Variants in CNTNAP2 observed in about 807,000 individuals in gnomAD.
CNTNAP2 encodes contactin associated protein 2.
A neutral mutation model predicts 155.2 loss-of-function variants in CNTNAP2; 98 were observed. That is an observed-to-expected ratio of 0.63 (90% CI 0.54 to 0.75). The LOEUF is 0.75. CNTNAP2 is among the 30% of genes least tolerant of loss of function. The pLI is 0.00. For synonymous variants in CNTNAP2, 651 were observed against 631.2 expected (o/e 1.03, Z -0.47); for missense variants, 1,727 against 1,688.1 (o/e 1.02, Z -0.40).
At chr7:146,505,695 T>G (rs1475336926) in intron 1 of CNTNAP2, among the ~76,000 whole-genome samples, 1 of 152,222 alleles carries the variant, frequency 6.6e-6, no homozygotes, top group African/African-American at 2.4e-5. Context: ...GGAGGGTCTG[T>G]GGCCAAAGCC....
chr7:148,059,554 C>G (rs1803091142), intron 15 of CNTNAP2, among the ~76,000 whole-genome samples: 1 of 146,912 alleles, frequency 6.8e-6, no homozygotes, highest in Non-Finnish European at 1.5e-5. Context: ...TGCCCCATTG[C>G]ACTCCAGCCT....
chr7:146,126,112 G>T (rs1797632155), intron 1 of CNTNAP2, among the ~76,000 whole-genome samples: 1 of 152,132 alleles, frequency 6.6e-6, no homozygotes, highest in African/African-American at 2.4e-5. Context: ...TAACTTCCCT[G>T]GGCCACCAGC....
intron 10 of CNTNAP2, among the ~76,000 whole-genome samples, chr7:147,464,191 G>A (rs1798072513): frequency 1.3e-5 from 2 of 151,954 alleles, no homozygotes; most frequent in African/African-American, 2.4e-5. Context: ...ACTAGGGCAG[G>A]GTGTGGTGGC....
intron 1 of CNTNAP2, among the ~76,000 whole-genome samples, chr7:146,661,988 C>G (rs1800098022): frequency 6.6e-6 from 1 of 152,050 alleles, no homozygotes; most frequent in Non-Finnish European, 1.5e-5. Flanking sequence ...TTAAATACAG[C>G]CATTTTCATA....
intron 1 of CNTNAP2, among the ~76,000 whole-genome samples, chr7:146,324,317 G>A (rs1485526170): frequency 6.6e-6 from 1 of 152,046 alleles, no homozygotes; most frequent in Non-Finnish European, 1.5e-5. Context: ...AACCTAAGAG[G>A]TCTGAAACCT....
At chr7:146,747,810 G>A (rs1461227152) in intron 1 of CNTNAP2, among the ~76,000 whole-genome samples, 1 of 152,090 alleles carries the variant, frequency 6.6e-6, no homozygotes, top group African/African-American at 2.4e-5. Flanking sequence ...AATGGTTTAA[G>A]ATAATTATGG....
In CNTNAP2 at chr7:146,332,468, T is replaced by G. The variant is rs1252996673; in HGVS notation, c.97+215495T>G. The stretch of plus-strand genomic sequence containing the variant: ...AAAGTTGAAAATGCATGCCCTTTGT[T>G]GTAGGACTTTGAGCCAACTGTTATT... On this transcript the variant is annotated intron_variant, in intron 1 of 23. Coordinates refer to ENST00000361727, the MANE Select transcript of CNTNAP2 (RefSeq NM_014141.6). Among the ~76,000 whole-genome samples the G allele has an allele frequency of 2.6e-5, 4 of 152,288 alleles. No individual in the cohort carries two copies. In the East Asian group the frequency reaches 7.7e-4, roughly 29 times the overall value.
At chr7:146,805,999 G>A (rs934689842) in intron 2 of CNTNAP2, among the ~76,000 whole-genome samples, 1 of 152,062 alleles carries the variant, frequency 6.6e-6, no homozygotes, top group Non-Finnish European at 1.5e-5. Context: ...ACACAAGATA[G>A]GTCAATCTCA....
rs148691235 is a variant in CNTNAP2 at position 147,591,402 on chromosome 7, G to T, written c.1897+29145G>T. Among the ~76,000 whole-genome samples the T allele has an allele frequency of 9.2e-5, 14 of 152,198 alleles. No individual in the cohort carries two copies. In the East Asian group the frequency reaches 2.7e-3, roughly 29 times the overall value. On this transcript the variant is annotated intron_variant, in intron 12 of 23. Coordinates refer to ENST00000361727, the MANE Select transcript of CNTNAP2 (RefSeq NM_014141.6). ...TGTGAAGACATCAGTTGGATTAGAT[G>T]AAGGCTCACCTTCCTGGCCTCATTT...
At chr7:147,468,224 G>A (rs1798154113) in intron 10 of CNTNAP2, among the ~76,000 whole-genome samples, 1 of 152,104 alleles carries the variant, frequency 6.6e-6, no homozygotes, top group Admixed American at 6.5e-5. Flanking sequence ...GGAGTGTAAG[G>A]CTTCAGTGAG....
intron 11 of CNTNAP2, among the ~76,000 whole-genome samples, chr7:147,502,152 A>G (rs781172967): frequency 1.3e-5 from 2 of 152,190 alleles, no homozygotes; most frequent in African/African-American, 2.4e-5. Context: ...ATCCTTATCA[A>G]TGCAAGCTAT....
chr7:147,677,118 T>C (rs1213710750), intron 13 of CNTNAP2, among the ~76,000 whole-genome samples: 1 of 151,822 alleles, frequency 6.6e-6, no homozygotes, highest in South Asian at 2.1e-4. Context: ...TACTGGCTAG[T>C]TTACATTATC....
chr7:146,621,849 C>T (rs1427013042), intron 1 of CNTNAP2, among the ~76,000 whole-genome samples: 1 of 152,134 alleles, frequency 6.6e-6, no homozygotes, highest in Non-Finnish European at 1.5e-5. Flanking sequence ...ACAGTGTTGA[C>T]ATAAATTATT....
At chr7:146,853,623 T>C (rs1794923926) in intron 3 of CNTNAP2, among the ~76,000 whole-genome samples, 1 of 152,170 alleles carries the variant, frequency 6.6e-6, no homozygotes, top group Admixed American at 6.5e-5. Flanking sequence ...AACAAGATCC[T>C]GAGAGGTAAG....
At chr7:146,600,091 C>G (rs1211517934) in intron 1 of CNTNAP2, among the ~76,000 whole-genome samples, 1 of 151,932 alleles carries the variant, frequency 6.6e-6, no homozygotes, top group Non-Finnish European at 1.5e-5. Context: ...TAATTTTTCC[C>G]ACACAATACT....
At chr7:147,051,208 C>A (rs1222206485) in intron 4 of CNTNAP2, among the ~76,000 whole-genome samples, 2 of 145,956 alleles carry the variant, frequency 1.4e-5, no homozygotes, top group Non-Finnish European at 3.0e-5. Flanking sequence ...ATATATAAAT[C>A]ATTAAGAATT....
intron 15 of CNTNAP2, among the ~76,000 whole-genome samples, chr7:148,085,331 C>A (rs1045025587): frequency 1.3e-5 from 2 of 152,116 alleles, no homozygotes; most frequent in Non-Finnish European, 2.9e-5. Flanking sequence ...GATTGAGCTT[C>A]AAATGTGAAT....
chr7:146,309,431 C>G (rs1800779968), intron 1 of CNTNAP2, among the ~76,000 whole-genome samples: 1 of 152,132 alleles, frequency 6.6e-6, no homozygotes, highest in African/African-American at 2.4e-5. Context: ...GTGGTCCTGA[C>G]AGCAGCAAGT....
At chr7:147,046,475 T>C (rs1476077375) in intron 4 of CNTNAP2, among the ~76,000 whole-genome samples, 1 of 152,216 alleles carries the variant, frequency 6.6e-6, no homozygotes, top group East Asian at 1.9e-4. Context: ...TTATTCTATC[T>C]TGTGAATATT....
Sources: gnomAD v4.1 joint callset for allele counts (sites outside exome capture counted in the v4.1 genomes callset) on GRCh38, gnomAD v4.1.1 for gene constraint, MANE v1.5 for transcripts, NCBI Gene and HGNC (gene_info 2026-07-23, HGNC 2026-07-21) for gene names.